The following PHETA1 variants were observed in gnomAD, a reference collection of about 807,000 sequenced individuals.
PHETA1 encodes the protein PH domain containing endocytic trafficking adaptor 1, also known as sesquipedalian-1.
For missense variants in PHETA1, 348 were observed against 373.5 expected (o/e 0.93, Z 0.56); for synonymous variants, 155 against 168.9 (o/e 0.92, Z 0.64).
At position 111,362,535 on chromosome 12, in the gene PHETA1, C is replaced by T; in HGVS notation, c.*143G>A. On this transcript the variant is annotated 3_prime_UTR_variant, in exon 3 of 3. Coordinates refer to ENST00000683047, the MANE Select transcript of PHETA1 (RefSeq NM_144671.6). ...CCAGCACCTTCTCAGAGCCTGCATC[C>T]CCCAAAACCAGGCCACTCAGGGCCT... 6.6e-7 allele frequency: 1 copy of T among 1,524,114 alleles called. No homozygotes were observed. Among genetic ancestry groups the T allele is most frequent in the Non-Finnish European group, 8.8e-7 (1 of 1,140,448 alleles). 94.4% of individuals were successfully genotyped at this position (1,524,114 alleles called of 1,614,324 possible). A position where few individuals can be genotyped will look rare whatever the true frequency, so the allele number is the denominator to read the frequency against.
chr12:111,364,225 T>C (rs900438263), intron 2 of PHETA1, among the ~76,000 whole-genome samples: 2 of 151,728 alleles, frequency 1.3e-5, no homozygotes, highest in Admixed American at 1.3e-4. Flanking sequence ...CGGGCGCCTG[T>C]AATCCCAGCT....
In PHETA1 at chr12:111,368,066, G is replaced by A. The variant is rs1321940406; in HGVS notation, c.-182+846C>T. On this transcript the variant is annotated intron_variant, in intron 1 of 2. Transcript: ENST00000683047. This position sits in a 1 kb window ranked among gnomAD's most constrained non-coding sequence, Gnocchi z 5.0. ...AGGAAAACCCACTGGCAAACTATGGGAAATGGATTGCAAATATTAGCTGCT... is the reference window on the plus strand; with the variant it reads ...AGGAAAACCCACTGGCAAACTATGGAAAATGGATTGCAAATATTAGCTGCT... Among the ~76,000 whole-genome samples the A allele has an allele frequency of 6.6e-6, 1 of 152,234 alleles. No individual in the cohort carries two copies. Among genetic ancestry groups the A allele is most frequent in the African/African-American group, 2.4e-5 (1 of 41,460 alleles).
chr12:111,362,372 G>C lies in PHETA1; in HGVS notation c.*306C>G. On this transcript the variant is annotated 3_prime_UTR_variant, in exon 3 of 3. Transcript: ENST00000683047. ...CTGTTGCCAGCACAGGCCTCTGCCC[G>C]GCAGCTCAGGCCAGCCTGGGGCCGG... 2 of 627,090 alleles carry C rather than the reference G, an allele frequency of 3.2e-6. No homozygotes were observed. Among genetic ancestry groups the C allele is most frequent in the East Asian group, 3.1e-5 (1 of 32,630 alleles). The allele number at this position is 627,090 out of a possible 1,614,324, so 38.8% of individuals were successfully genotyped here. A position where few individuals can be genotyped will look rare whatever the true frequency, so the allele number is the denominator to read the frequency against.
chr12:111,364,279 G>A (rs953067386), intron 2 of PHETA1, among the ~76,000 whole-genome samples: 1 of 151,466 alleles, frequency 6.6e-6, no homozygotes, highest in Non-Finnish European at 1.5e-5. Context: ...CCCAGGAGGC[G>A]GAGGTTGCAG....
chr12:111,362,912 C>T lies in PHETA1; in HGVS notation c.516G>A (p.Leu172=), dbSNP rs1400129876. Residue 172 remains leucine (L), a synonymous_variant, in exon 3 of 3, where the codon CTG becomes CTA. Transcript: ENST00000683047. ...GGGCACTGGGCCGGCGGGGCAGGGG[C>T]AGGGCTGGGACCGGGGCTGGGGCAG... ...LPSAPAPVPA[L]PLPRRPSALP... The T allele has an allele frequency of 5.8e-5, 87 of 1,503,854 alleles. No individual in the cohort carries two copies. The highest frequency in any genetic ancestry group is 7.5e-5 in the Non-Finnish European group (85 of 1,132,022). The allele number at this position is 1,503,854 out of a possible 1,614,324, so 93.2% of individuals were successfully genotyped here.
chr12:111,363,593 G>A lies in PHETA1; in HGVS notation c.-36-130C>T. ...GGAAACTGACGCTCATAGGGTGGAA[G>A]CAGCTGGCCTATGCGCCCACAACTC... On this transcript the variant is annotated intron_variant, in intron 2 of 2. Transcript: ENST00000683047. This position sits in a 1 kb window ranked among gnomAD's most constrained non-coding sequence, Gnocchi z 7.4. 1 of 1,531,946 alleles carries A rather than the reference G, an allele frequency of 6.5e-7. No individual in the cohort carries two copies. Among genetic ancestry groups the A allele is most frequent in the Non-Finnish European group, 8.7e-7 (1 of 1,143,966 alleles). The allele number at this position is 1,531,946 out of a possible 1,614,324, so 94.9% of individuals were successfully genotyped here.
rs1317164446 is a variant in PHETA1 at position 111,363,550 on chromosome 12, T to C, written c.-36-87A>G. ...AAGGGGACCTTGCAGCCACTCTACA[T>C]CCCCGTTTCACAGATGAGGAAACTG... On this transcript the variant is annotated intron_variant, in intron 2 of 2. Coordinates refer to ENST00000683047, the MANE Select transcript of PHETA1 (RefSeq NM_144671.6). This position sits in a 1 kb window ranked among gnomAD's most constrained non-coding sequence, Gnocchi z 7.4. The C allele has an allele frequency of 1.3e-6, 2 of 1,531,636 alleles. No homozygotes were observed. The highest frequency in any genetic ancestry group is 1.7e-6 in the Non-Finnish European group (2 of 1,142,900). 94.9% of individuals were successfully genotyped at this position (1,531,636 alleles called of 1,614,324 possible). A position where few individuals can be genotyped will look rare whatever the true frequency, so the allele number is the denominator to read the frequency against.
Position 111,362,009 on chromosome 12 carries a change from G to A in PHETA1, c.*669C>T. On this transcript the variant is annotated 3_prime_UTR_variant, in exon 3 of 3. Transcript: ENST00000683047. ...AGCACCACCATGAGGCCTGGCAGGGGACTTTTGGCAGAGTCCTGCCTCAGC... is the reference window on the plus strand; with the variant it reads ...AGCACCACCATGAGGCCTGGCAGGGAACTTTTGGCAGAGTCCTGCCTCAGC... The A allele has an allele frequency of 2.2e-6, 1 of 455,992 alleles. No homozygotes were observed. 28.2% of individuals were successfully genotyped at this position (455,992 alleles called of 1,614,324 possible).
rs926793965 is a variant in PHETA1, at chr12:111,362,227, G to T, written c.*451C>A. ...AGGCCCAGGTGTGGCTGCCATGACCGATCCTCCCTCTGTCCACCCTGAAGG... is the reference window on the plus strand; with the variant it reads ...AGGCCCAGGTGTGGCTGCCATGACCTATCCTCCCTCTGTCCACCCTGAAGG... On this transcript the variant is annotated 3_prime_UTR_variant, in exon 3 of 3. Coordinates refer to ENST00000683047, the MANE Select transcript of PHETA1 (RefSeq NM_144671.6). 2.7e-6 allele frequency: 1 copy of T among 366,302 alleles called. No individual in the cohort carries two copies. The highest frequency in any genetic ancestry group is 7.2e-5 in the East Asian group (1 of 13,944). 22.7% of individuals were successfully genotyped at this position (366,302 alleles called of 1,614,324 possible).
In PHETA1 at chr12:111,362,051, C is replaced by A; in HGVS notation, c.*627G>T. The A allele has an allele frequency of 2.2e-6, 1 of 454,798 alleles. No individual in the cohort carries two copies. 28.2% of individuals were successfully genotyped at this position (454,798 alleles called of 1,614,324 possible). A position where few individuals can be genotyped will look rare whatever the true frequency, so the allele number is the denominator to read the frequency against. On this transcript the variant is annotated 3_prime_UTR_variant, in exon 3 of 3. Transcript: ENST00000683047. ...TGCCTCAGCCAGCCCAGGCCAGGAG[C>A]CCCGAGGACCAGGCCACCTCACCCT... is the stretch of plus-strand genomic sequence containing the variant.
At chr12:111,365,231 G>C (rs993249828) in intron 2 of PHETA1, among the ~76,000 whole-genome samples, 1 of 152,254 alleles carries the variant, frequency 6.6e-6, no homozygotes, top group East Asian at 1.9e-4. Flanking sequence ...TAGGATGGTA[G>C]CTACATTTTT....
rs751064922 is a variant in PHETA1, at chr12:111,363,713, G to T, written c.-36-250C>A. 2.2e-4 allele frequency: 335 copies of T among 1,517,560 alleles called. No individual in the cohort carries two copies. The highest frequency in any genetic ancestry group is 1.6e-4 in the Non-Finnish European group (178 of 1,135,548). The allele number at this position is 1,517,560 out of a possible 1,614,324, so 94.0% of individuals were successfully genotyped here. A position where few individuals can be genotyped will look rare whatever the true frequency, so the allele number is the denominator to read the frequency against. The stretch of plus-strand genomic sequence containing the variant: ...CCTCCTGTATCCCTGAAATAATGTT[G>T]TGAGTTCCTGCTGCATGCCAGACAT... On this transcript the variant is annotated intron_variant, in intron 2 of 2. Coordinates refer to ENST00000683047, the MANE Select transcript of PHETA1 (RefSeq NM_144671.6). This position sits in a 1 kb window ranked among gnomAD's most constrained non-coding sequence, Gnocchi z 7.4.
intron 2 of PHETA1, 108 bp downstream of exon 2, chr12:111,366,005 C>T (rs571751685): frequency 1.4e-4 from 24 of 169,758 alleles, no homozygotes; most frequent in Middle Eastern, 3.3e-3. Context: ...CTCTCTAAGC[C>T]GCAGGGATTC....
chr12:111,362,684 C>T lies in PHETA1; in HGVS notation c.744G>A (p.Gln248=), dbSNP rs770314112. The change falls in exon 3 of 3, where the codon CAG becomes CAA. Residue 248 remains glutamine, a synonymous_variant. Coordinates refer to ENST00000683047, the MANE Select transcript of PHETA1 (RefSeq NM_144671.6). ...LRGQWLSSRV[Q]P ...AACAGGCGCCCTGGTGGCCTCAGGGCTGGACCCGGCTGCTGAGCCACTGGC... is the reference window on the plus strand; with the variant it reads ...AACAGGCGCCCTGGTGGCCTCAGGGTTGGACCCGGCTGCTGAGCCACTGGC... The T allele has an allele frequency of 2.6e-6, 4 of 1,549,064 alleles. No individual in the cohort carries two copies. In the South Asian group the frequency reaches 4.8e-5, roughly 18 times the overall value.
chr12:111,362,416 C>T lies in PHETA1; in HGVS notation c.*262G>A. 1.1e-6 allele frequency: 1 copy of T among 931,506 alleles called. No homozygotes were observed. The highest frequency in any genetic ancestry group is 1.8e-5 in the South Asian group (1 of 54,824). The allele number at this position is 931,506 out of a possible 1,614,324, so 57.7% of individuals were successfully genotyped here. On this transcript the variant is annotated 3_prime_UTR_variant, in exon 3 of 3. Transcript: ENST00000683047. ...GGGCCGGAGTTCTCAGGAAACCTCC[C>T]CCTCAGGCCCTGGATTCTCCTTAGT...
chr12:111,363,402 G>T lies in PHETA1; in HGVS notation c.26C>A (p.Ala9Asp), dbSNP rs747624761. MKLNERSLAFYATCDAPVD... is the reference protein window; with the variant it reads MKLNERSLDFYATCDAPVD... ...CGGGGCGTCACAGGTGGCGTAGAAG[G>T]CCAGGCTGCGCTCGTTCAGCTTCAT... is the stretch of plus-strand genomic sequence containing the variant. The change falls in exon 3 of 3, where the codon GCC becomes GAC. Residue 9 changes from alanine (A) to aspartate (D), a missense_variant. By Grantham distance (126) the Ala-to-Asp change is moderately radical. Coordinates refer to ENST00000683047, the MANE Select transcript of PHETA1 (RefSeq NM_144671.6). The surrounding 1 kb of genome is among the most constrained non-coding windows in gnomAD (Gnocchi z 7.4). The T allele has an allele frequency of 6.2e-7, 1 of 1,612,114 alleles. No individual in the cohort carries two copies. Among genetic ancestry groups the T allele is most frequent in the Non-Finnish European group, 8.5e-7 (1 of 1,179,336 alleles).
chr12:111,360,775 T>G lies in PHETA1; in HGVS notation c.*1903A>C, dbSNP rs1868547759. 1.3e-5 allele frequency: 2 copies of G among 152,644 alleles called. No individual in the cohort carries two copies. Among genetic ancestry groups the G allele is most frequent in the African/African-American group, 4.8e-5 (2 of 41,444 alleles). The allele number at this position is 152,644 out of a possible 1,614,324, so 9.5% of individuals were successfully genotyped here. A position where few individuals can be genotyped will look rare whatever the true frequency, so the allele number is the denominator to read the frequency against. On this transcript the variant is annotated 3_prime_UTR_variant, in exon 3 of 3. Transcript: ENST00000683047. ...ACCCAGGAGGCAGCCTGATCCCACC[T>G]TGTGCTTTGGTAGGGGACATCCCTC...
intron 2 of PHETA1, chr12:111,365,796 C>T (rs559550864): frequency 1.8e-4 from 61 of 332,656 alleles, no homozygotes; most frequent in Middle Eastern, 1.1e-3. Flanking sequence ...ACTTAGAGAA[C>T]GGGTCAATGG....
In PHETA1 at chr12:111,362,470, G is replaced by C; in HGVS notation, c.*208C>G. 1 of 1,296,410 alleles carries C rather than the reference G, an allele frequency of 7.7e-7. No individual in the cohort carries two copies. Among genetic ancestry groups the C allele is most frequent in the Non-Finnish European group, 1.0e-6 (1 of 967,330 alleles). 80.3% of individuals were successfully genotyped at this position (1,296,410 alleles called of 1,614,324 possible). The stretch of plus-strand genomic sequence containing the variant: ...GCACGTGACGTTCCCCTCAAGGGTA[G>C]GCCTTCTGGGTCACATGGTCCTAAA... On this transcript the variant is annotated 3_prime_UTR_variant, in exon 3 of 3. Coordinates refer to ENST00000683047, the MANE Select transcript of PHETA1 (RefSeq NM_144671.6).
Sources: allele counts gnomAD v4.1 joint callset (sites outside exome capture counted in the v4.1 genomes callset), GRCh38; gene constraint gnomAD v4.1.1; non-coding constraint Gnocchi (gnomAD v3.1); transcripts MANE v1.5; gene names NCBI Gene and HGNC (gene_info 2026-07-23, HGNC 2026-07-21).